GRIP2: variants seen among roughly 807,000 people sequenced by gnomAD.
GRIP2 encodes glutamate receptor interacting protein 2, also known as glutamate receptor-interacting protein 2.
GRIP2 carries 58 observed loss-of-function variants against 108.3 expected under a neutral mutation model. That is an observed-to-expected ratio of 0.54 (90% CI 0.43 to 0.67). The LOEUF (loss-of-function observed/expected upper bound fraction) is 0.67. Among genes scored for constraint, GRIP2 ranks in the 30% least tolerant of loss-of-function variants. The pLI, the probability that GRIP2 is intolerant of heterozygous loss-of-function variation, is 0.00. For synonymous variants in GRIP2, 586 were observed against 598.2 expected (o/e 0.98, Z 0.30); for missense variants, 1,278 against 1,430.6 (o/e 0.89, Z 1.72).
chr3:14,509,515 T>A (rs933798925), intron 17 of GRIP2, among the ~76,000 whole-genome samples: 3 of 152,216 alleles, frequency 2.0e-5, no homozygotes, highest in African/African-American at 7.2e-5. Context: ...GCGCTCCAAA[T>A]AGCCTTGCAG....
In GRIP2 at chr3:14,511,243, T is replaced by C. The variant is rs1694081305; in HGVS notation, c.1855A>G (p.Met619Val). 4 of 1,613,978 alleles carry C rather than the reference T, an allele frequency of 2.5e-6. No individual in the cohort carries two copies. The highest frequency in any genetic ancestry group is 2.5e-6 in the Non-Finnish European group (3 of 1,179,894). The change falls in exon 16 of 24, where the codon ATG (methionine) becomes GTG (valine). Residue 619 changes from methionine to valine, a missense_variant. Physicochemically the swap from Met to Val is conservative, Grantham distance 21. Coordinates refer to ENST00000621039, the MANE Select transcript of GRIP2 (RefSeq NM_001080423.4). This position sits in a 1 kb window ranked among gnomAD's most constrained non-coding sequence, Gnocchi z 4.1. The part of the protein sequence containing the change: ...IDNIRLDNCP[M>V]EDAVQILRQC... ...CGCAGGATTTGCACGGCGTCCTCCA[T>C]GGGGCAGTTGTCCAGGCGGATATTG...
chr3:14,577,901 C>G, the GRIP2 span, among the ~76,000 whole-genome samples: 2 of 152,300 alleles, frequency 1.3e-5, no homozygotes, highest in African/African-American at 2.4e-5. Context: ...TGGTGCAAAC[C>G]CTCTCAGCTC....
the GRIP2 span, among the ~76,000 whole-genome samples, chr3:14,567,114 G>C: frequency 1.3e-5 from 2 of 152,178 alleles, no homozygotes; most frequent in Non-Finnish European, 2.9e-5. Context: ...TGCTGCTTGA[G>C]GCCAGCTGGA....
the GRIP2 span, among the ~76,000 whole-genome samples, chr3:14,566,331 A>T: frequency 3.9e-5 from 6 of 152,228 alleles, no homozygotes; most frequent in African/African-American, 1.4e-4. Flanking sequence ...ACACAGAGTC[A>T]CACACCACAG....
Position 14,511,483 on chromosome 3 carries a change from G to C in GRIP2, c.1721-4C>G. The C allele has an allele frequency of 1.9e-6, 3 of 1,613,068 alleles. No individual in the cohort carries two copies. The highest frequency in any genetic ancestry group is 1.7e-6 in the Non-Finnish European group (2 of 1,179,844). On this transcript the variant is annotated splice_region_variant and splice_polypyrimidine_tract_variant and intron_variant, in intron 14 of 23. Coordinates refer to ENST00000621039, the MANE Select transcript of GRIP2 (RefSeq NM_001080423.4). The surrounding 1 kb of genome is among the most constrained non-coding windows in gnomAD (Gnocchi z 4.1). ...TCCCCTCGTTTCCTGCTGGCCGCTG[G>C]AGAAAAAGAGGCCATGAATCTGACC...
upstream of GRIP2, among the ~76,000 whole-genome samples, chr3:14,557,969 G>C (rs1217545984): frequency 6.6e-6 from 1 of 152,220 alleles, no homozygotes; most frequent in Non-Finnish European, 1.5e-5. Flanking sequence ...CACAGTAGGT[G>C]CTAGATAAAT....
upstream of GRIP2, among the ~76,000 whole-genome samples, chr3:14,556,880 G>A (rs566360606): frequency 2.0e-5 from 3 of 152,340 alleles, no homozygotes; most frequent in East Asian, 5.8e-4. Context: ...CACATATGTT[G>A]CAGAGGTGGC....
the GRIP2 span, among the ~76,000 whole-genome samples, chr3:14,593,068 CG>C: frequency 5.9e-5 from 9 of 152,202 alleles, no homozygotes; most frequent in African/African-American, 2.2e-4. Context: ...TCACCACACA[CG>C]TGGACACCAC....
At chr3:14,599,663 GTC>G in the GRIP2 span, among the ~76,000 whole-genome samples, 2,257 of 142,464 alleles carry the variant, frequency 0.016, 22 homozygotes, top group South Asian at 0.027. Flanking sequence ...TGAAGCACAA[GTC>G]TCTCTCTCTC....
chr3:14,598,347 G>GACAC, the GRIP2 span, among the ~76,000 whole-genome samples: 1,735 of 147,578 alleles, frequency 0.012, 24 homozygotes, highest in African/African-American at 0.038. Flanking sequence ...ACCACAGGGG[G>GACAC]ACACACACAC....
chr3:14,496,944 G>A (rs574013112), intron 21 of GRIP2, among the ~76,000 whole-genome samples: 26 of 148,484 alleles, frequency 1.8e-4, no homozygotes, highest in Non-Finnish European at 3.4e-4. Flanking sequence ...CCAGAGTCTA[G>A]TTCCAAAGTC....
At chr3:14,574,649 A>G in the GRIP2 span, 1 of 660,586 alleles carries the variant, frequency 1.5e-6, no homozygotes, top group Non-Finnish European at 2.9e-6. Flanking sequence ...CCATCTCATC[A>G]GGGAAATTCG....
At chr3:14,568,186 A>G in the GRIP2 span, among the ~76,000 whole-genome samples, 1 of 152,092 alleles carries the variant, frequency 6.6e-6, no homozygotes, top group Admixed American at 6.5e-5. Context: ...GGAGGGAGTG[A>G]TCTGACCTAG....
the GRIP2 span, among the ~76,000 whole-genome samples, chr3:14,578,674 G>A: frequency 4.6e-5 from 7 of 151,632 alleles, no homozygotes; most frequent in Non-Finnish European, 1.0e-4. Flanking sequence ...CTGAGATTGT[G>A]CCACTGCATT....
At position 14,519,754 on chromosome 3, in the gene GRIP2, G is replaced by A. The variant is rs576965157; in HGVS notation, c.1030+356C>T. On this transcript the variant is annotated intron_variant, in intron 9 of 23. Coordinates refer to ENST00000621039, the MANE Select transcript of GRIP2 (RefSeq NM_001080423.4). ...CTCTAACTTCCCAGCTGCCTCCTCT[G>A]GATCTGCTGAGAGTCACTGAGAAGA... 2.0e-5 allele frequency among the ~76,000 whole-genome samples: 3 copies of A among 152,310 alleles called. 1 individual carries two copies. Among genetic ancestry groups the A allele is most frequent in the South Asian group, 4.1e-4 (2 of 4,824 alleles).
chr3:14,545,099 G>T (rs941757515), upstream of GRIP2, among the ~76,000 whole-genome samples: 1 of 152,246 alleles, frequency 6.6e-6, no homozygotes, highest in Non-Finnish European at 1.5e-5. Context: ...CAAGAGCAAA[G>T]CATGGCAGCC....
chr3:14,583,254 G>C, the GRIP2 span, among the ~76,000 whole-genome samples: 1 of 152,152 alleles, frequency 6.6e-6, no homozygotes, highest in Non-Finnish European at 1.5e-5. Context: ...GGGGGATTTT[G>C]GGGGCTGAGA....
the GRIP2 span, among the ~76,000 whole-genome samples, chr3:14,592,373 G>A: frequency 6.6e-6 from 1 of 152,218 alleles, no homozygotes; most frequent in Non-Finnish European, 1.5e-5. Context: ...CGAGTCTCCT[G>A]CCAGCAGACC....
chr3:14,567,970 T>C, the GRIP2 span, among the ~76,000 whole-genome samples: 2 of 152,306 alleles, frequency 1.3e-5, no homozygotes, highest in African/African-American at 4.8e-5. Context: ...TGCAGATTGC[T>C]GAGCCAGGCA....
Sources: gnomAD v4.1 joint callset for allele counts (sites outside exome capture counted in the v4.1 genomes callset) on GRCh38, gnomAD v4.1.1 for gene constraint, Gnocchi (gnomAD v3.1) non-coding constraint, MANE v1.5 for transcripts, NCBI Gene and HGNC (gene_info 2026-07-23, HGNC 2026-07-21) for gene names.